The following TTN variants were observed in gnomAD, a reference collection of about 807,000 sequenced individuals.
The protein encoded by TTN is titin, also known as connectin.
TTN carries 1,525 observed loss-of-function variants against 3,223.0 expected under a neutral mutation model. The observed-to-expected ratio is 0.47, with a 90% CI of 0.45 to 0.49. The LOEUF is 0.49. Ranked by LOEUF, TTN falls within the 20% of genes least tolerant of loss-of-function variation. TTN has a pLI of 0.00. For synonymous variants in TTN, 14,094 were observed against 15,161.0 expected (o/e 0.93, Z 5.17); for missense variants, 40,786 against 43,424.0 (o/e 0.94, Z 5.40).
intron 22 of TTN, 89 bp from the exon 23 acceptor site, chr2:178,779,551 GT>G: frequency 2.2e-6 from 2 of 892,088 alleles, no homozygotes; most frequent in Non-Finnish European, 3.4e-6. Context: ...GACTGTTGAA[GT>G]TTTTAGCTGG....
chr2:178,615,911 A>G, intron 257 of TTN, 123 bp from the exon 258 acceptor site: 3 of 1,116,344 alleles, frequency 2.7e-6, no homozygotes, highest in Non-Finnish European at 3.7e-6. Context: ...TTATTCTTAC[A>G]TTAATTTCAT....
At chr2:178,665,051 A>G (rs2065662894) in intron 165 of TTN, 125 bp from the exon 166 acceptor site, 6 of 1,165,274 alleles carry the variant, frequency 5.1e-6, no homozygotes, top group South Asian at 4.4e-5. Context: ...TGTTCCACCA[A>G]TAGGCTAAGT....
intron 131 of TTN, 104 bp from the exon 132 acceptor site, chr2:178,684,517 C>A: frequency 7.1e-7 from 1 of 1,399,978 alleles, no homozygotes; most frequent in Non-Finnish European, 9.9e-7. Context: ...TTACAAGGCA[C>A]ACACACAAAA....
Position 178,771,875 on chromosome 2 carries a change from A to G in TTN, c.7856-404T>C, listed in dbSNP as rs570959006. On this transcript the variant is annotated intron_variant, in intron 33 of 362. Transcript: ENST00000589042. ...GCTAAACAAAATGTACGAGTCATCA[A>G]TGTTTCTACTACATTGAGGATTTCT... Among the ~76,000 whole-genome samples, 12 of 152,258 alleles carry G rather than the reference A, an allele frequency of 7.9e-5. No individual in the cohort carries two copies. In the East Asian group the frequency reaches 2.1e-3, roughly 27 times the overall value.
chr2:178,575,244 G>A lies in TTN; in HGVS notation c.70888C>T (p.Leu23630Phe). The A allele has an allele frequency of 6.2e-7, 1 of 1,613,172 alleles. No individual in the cohort carries two copies. The highest frequency in any genetic ancestry group is 8.5e-7 in the Non-Finnish European group (1 of 1,179,532). Residue 23630 changes from leucine to phenylalanine, a missense_variant, in exon 326 of 363, where the codon CTT becomes TTT. Coordinates refer to ENST00000589042, the MANE Select transcript of TTN (RefSeq NM_001267550.2). The surrounding 1 kb of genome is among the most constrained non-coding windows in gnomAD (Gnocchi z 4.0). ...RPVIVKEQTM[L>F]PELDLRGIYQ... Reference sequence around the variant, plus strand: ...ATGCCACGGAGATCCAGCTCTGGAAGCATTGTCTGCTCCTTGACAATGACG... The same window carrying A: ...ATGCCACGGAGATCCAGCTCTGGAAACATTGTCTGCTCCTTGACAATGACG...
chr2:178,559,132 T>A (rs1055222449), intron 326 of TTN, among the ~76,000 whole-genome samples, 179 bp downstream of exon 326: 2 of 152,162 alleles, frequency 1.3e-5, no homozygotes, highest in African/African-American at 2.4e-5. Flanking sequence ...TCTGTTTTTT[T>A]AATCAATGAA....
rs956041710 is a variant in TTN at position 178,739,868 on chromosome 2, T to C, written c.13365A>G (p.Val4455=). The C allele has an allele frequency of 1.4e-5, 23 of 1,613,798 alleles. No homozygotes were observed. Among genetic ancestry groups the C allele is most frequent in the Non-Finnish European group, 1.8e-5 (21 of 1,179,844 alleles). ...GATCAACATCTTCAATAATGATGGT[T>C]ACTTCTTCTGTTACAGACTTTGCCG... ...VTSAKSVTEE[V]TIIIEDVDPQ... is the part of the protein sequence containing the mutation. Residue 4455 remains valine (V), a synonymous_variant, in exon 48 of 363, where the codon GTA becomes GTG. Coordinates refer to ENST00000589042, the MANE Select transcript of TTN (RefSeq NM_001267550.2).
Position 178,534,793 on chromosome 2 carries a change from C to G in TTN, c.101822G>C (p.Arg33941Thr), listed in dbSNP as rs762498249. ...GGTTTGGTAAATGATATTTTCTGGT[C>G]TAATGTCAAAGTGTCCAATATTATG... is the stretch of plus-strand genomic sequence containing the variant. Reference protein sequence around the residue: ...HSHNIGHFDIRPENIIYQTRR... With the variant: ...HSHNIGHFDITPENIIYQTRR... Residue 33941 changes from arginine to threonine, a missense_variant, in exon 358 of 363, where the codon AGA (arginine) becomes ACA (threonine). Transcript: ENST00000589042. 3.7e-6 allele frequency: 6 copies of G among 1,612,254 alleles called. No homozygotes were observed. In the African/African-American group the frequency reaches 8.0e-5, roughly 22 times the overall value.
chr2:178,669,542 A>G (rs991501309), intron 158 of TTN, 50 bp downstream of exon 158: 2 of 1,607,270 alleles, frequency 1.2e-6, no homozygotes, highest in African/African-American at 2.7e-5. Context: ...TTAAACCATG[A>G]AAAACTAAAC....
Position 178,587,738 on chromosome 2 carries a change from G to C in TTN, c.63571C>G (p.Pro21191Ala). 3.1e-6 allele frequency: 5 copies of C among 1,612,462 alleles called. No homozygotes were observed. The highest frequency in any genetic ancestry group is 3.4e-6 in the Non-Finnish European group (4 of 1,179,178). The change falls in exon 306 of 363, where the codon CCT becomes GCT. Residue 21191 changes from proline (P) to alanine (A), a missense_variant. Coordinates refer to ENST00000589042, the MANE Select transcript of TTN (RefSeq NM_001267550.2). The part of the protein sequence containing the change: ...RKLVIVRAGC[P>A]IRLFAIVRGR... ...CTCACTATAGCAAAGAGACGAATAG[G>C]GCATCCTGCTCTCACTATGACCAGT...
At chr2:178,791,689 G>T (rs1353502741) in intron 10 of TTN, among the ~76,000 whole-genome samples, 3 of 118,820 alleles carry the variant, frequency 2.5e-5, no homozygotes, top group Non-Finnish European at 6.1e-5. Context: ...GTGTGTGTGT[G>T]CATGTGTGTG....
chr2:178,611,609 T>C lies in TTN; in HGVS notation c.50620A>G (p.Lys16874Glu). 1 of 1,613,054 alleles carries C rather than the reference T, an allele frequency of 6.2e-7. No homozygotes were observed. The highest frequency in any genetic ancestry group is 8.5e-7 in the Non-Finnish European group (1 of 1,179,344). The part of the protein sequence containing the change: ...AGRKHIAIAW[K>E]PPEKNGGSPI... Reference sequence around the variant, plus strand: ...CTTCCACCATTTTTCTCTGGAGGCTTCCAAGCAATGGCAATGTGTTTTCTC... The same window carrying C: ...CTTCCACCATTTTTCTCTGGAGGCTCCCAAGCAATGGCAATGTGTTTTCTC... The change falls in exon 269 of 363, where the codon AAG (lysine) becomes GAG (glutamate). Residue 16874 changes from lysine to glutamate, a missense_variant. By Grantham distance (56) the Lys-to-Glu change is moderately conservative. Coordinates refer to ENST00000589042, the MANE Select transcript of TTN (RefSeq NM_001267550.2).
At position 178,795,223 on chromosome 2, in the gene TTN, G is replaced by A. The variant is rs2093702951; in HGVS notation, c.944C>T (p.Thr315Ile). 3.7e-6 allele frequency: 6 copies of A among 1,614,072 alleles called. No individual in the cohort carries two copies. Among genetic ancestry groups the A allele is most frequent in the Non-Finnish European group, 5.1e-6 (6 of 1,180,020 alleles). The change falls in exon 7 of 363, where the codon ACA (threonine) becomes ATA (isoleucine). Residue 315 changes from threonine (T) to isoleucine (I), a missense_variant. Transcript: ENST00000589042. ...AGACCTAACAGACCTGATGGGGGAT[G>A]TGGAGATTCTTGCTGCTGGAGACAC... ...RSVSPAARIS[T>I]SPIRSVRSPL...
Position 178,578,694 on chromosome 2 carries a change from G to T in TTN, c.68246C>A (p.Pro22749His). The stretch of plus-strand genomic sequence containing the variant: ...GTGTCTGACATCCACAATATTGGGA[G>T]GTGGGGGAGCATCAGGCACATCTAG... ...HPFDVPDAPPPPNIVDVRHDS... is the reference protein window; with the variant it reads ...HPFDVPDAPPHPNIVDVRHDS... Residue 22749 changes from proline (P) to histidine (H), a missense_variant, in exon 321 of 363, where the codon CCT becomes CAT. Pro to His is a moderately conservative substitution (Grantham distance 77). Coordinates refer to ENST00000589042, the MANE Select transcript of TTN (RefSeq NM_001267550.2). 3 of 1,611,352 alleles carry T rather than the reference G, an allele frequency of 1.9e-6. No individual in the cohort carries two copies. The highest frequency in any genetic ancestry group is 2.5e-6 in the Non-Finnish European group (3 of 1,178,950).
chr2:178,647,859 T>A (rs1414222174), intron 213 of TTN, among the ~76,000 whole-genome samples: 1 of 152,136 alleles, frequency 6.6e-6, no homozygotes, highest in African/African-American at 2.4e-5. Flanking sequence ...GAAAAGCACA[T>A]CTACCATTTT....
Position 178,644,720 on chromosome 2 carries a change from A to G in TTN, c.40409-104T>C, listed in dbSNP as rs1348155783. The G allele has an allele frequency of 1.3e-5, 11 of 879,164 alleles. No homozygotes were observed. In the Admixed American group the frequency reaches 3.9e-4, roughly 31 times the overall value. The allele number at this position is 879,164 out of a possible 1,614,324, so 54.5% of individuals were successfully genotyped here. ...AAAACCAAGCTTTGCTTATAACCAGAAAGCATTAATAACAGCCAAGAACAG... is the reference window on the plus strand; with the variant it reads ...AAAACCAAGCTTTGCTTATAACCAGGAAGCATTAATAACAGCCAAGAACAG... On this transcript the variant is annotated intron_variant, in intron 217 of 362. Coordinates refer to ENST00000589042, the MANE Select transcript of TTN (RefSeq NM_001267550.2).
At chr2:178,684,210 TAACAACAACAACAACATC>T (rs1280549208) in intron 132 of TTN, 102 bp downstream of exon 132, 1 of 1,355,488 alleles carries the variant, frequency 7.4e-7, no homozygotes, top group Non-Finnish European at 1.0e-6. Context: ...ACAACAACTG[TAACAACAACAACAACATC>T]AACAACAACA....
chr2:178,616,185 C>A (rs1459563103), intron 257 of TTN, among the ~76,000 whole-genome samples: 1 of 151,766 alleles, frequency 6.6e-6, no homozygotes, highest in Admixed American at 6.6e-5. Flanking sequence ...CTTTCCACTT[C>A]TAGCTTAATG....
At position 178,556,903 on chromosome 2, in the gene TTN, A is replaced by G; in HGVS notation, c.88251T>C (p.Gly29417=). ...EFRVFARNAV[G]SISNPSEVVG... ...CAACCTCAGATGGATTGCTAATGGA[A>G]CCAACAGCATTCCTAGCAAAGACAC... Residue 29417 remains glycine (G), a synonymous_variant, in exon 330 of 363, where the codon GGT becomes GGC. Transcript: ENST00000589042. 1 of 1,613,858 alleles carries G rather than the reference A, an allele frequency of 6.2e-7. No individual in the cohort carries two copies. Among genetic ancestry groups the G allele is most frequent in the Non-Finnish European group, 8.5e-7 (1 of 1,179,828 alleles).
Sources: gnomAD v4.1 joint callset for allele counts (sites outside exome capture counted in the v4.1 genomes callset) on GRCh38, gnomAD v4.1.1 for gene constraint, Gnocchi (gnomAD v3.1) non-coding constraint, MANE v1.5 for transcripts, NCBI Gene and HGNC (gene_info 2026-07-23, HGNC 2026-07-21) for gene names.